SCMH1: variants seen among roughly 807,000 people sequenced by gnomAD.
SCMH1 encodes Scm polycomb group protein homolog 1.
SCMH1 carries 37 observed loss-of-function variants against 70.8 expected under a neutral mutation model. The observed-to-expected ratio is 0.52, with a 90% CI of 0.40 to 0.69. SCMH1 has a LOEUF of 0.69. SCMH1 is among the 30% of genes least tolerant of loss of function. SCMH1 has a pLI of 0.00. For missense variants in SCMH1, 607 were observed against 827.3 expected (o/e 0.73, Z 3.27); for synonymous variants, 292 against 307.4 (o/e 0.95, Z 0.52).
intron 13 of SCMH1, among the ~76,000 whole-genome samples, chr1:41,030,992 AAC>A (rs1644440425): frequency 6.6e-6 from 1 of 152,214 alleles, no homozygotes. Flanking sequence ...TGGCAGAGCT[AAC>A]ACACACCTGT....
chr1:41,197,822 T>G (rs1653390576), intron 1 of SCMH1, among the ~76,000 whole-genome samples: 1 of 152,198 alleles, frequency 6.6e-6, no homozygotes, highest in Non-Finnish European at 1.5e-5. Context: ...ACAGAATTCC[T>G]TTTCCTGGGT....
At chr1:41,164,265 T>C (rs1026178900) in intron 2 of SCMH1, among the ~76,000 whole-genome samples, 10 of 152,136 alleles carry the variant, frequency 6.6e-5, no homozygotes, top group African/African-American at 2.4e-4. Flanking sequence ...TGCAAGCTAA[T>C]TGGTCTCATT....
chr1:41,176,651 T>A (rs1000098927), intron 2 of SCMH1, among the ~76,000 whole-genome samples: 3 of 152,178 alleles, frequency 2.0e-5, no homozygotes, highest in Non-Finnish European at 4.4e-5. Context: ...CCTCGCTCAT[T>A]GCTAGCACAG....
chr1:41,204,222 T>C (rs1261371257), intron 1 of SCMH1, among the ~76,000 whole-genome samples: 1 of 152,178 alleles, frequency 6.6e-6, no homozygotes, highest in African/African-American at 2.4e-5. Context: ...CTTAGGATTT[T>C]TCAAGGAAAA....
At chr1:41,083,029 G>T (rs1329092855) in intron 8 of SCMH1, among the ~76,000 whole-genome samples, 1 of 152,170 alleles carries the variant, frequency 6.6e-6, no homozygotes, top group African/African-American at 2.4e-5. Context: ...TACTGAATGG[G>T]CCAACACTGG....
At chr1:41,177,090 G>A (rs910416180) in intron 2 of SCMH1, among the ~76,000 whole-genome samples, 15 of 152,150 alleles carry the variant, frequency 9.9e-5, no homozygotes, top group Non-Finnish European at 1.3e-4. Context: ...ACCAATATCC[G>A]CTGTTCTGCA....
rs562884929 is a variant in SCMH1, at chr1:41,210,676, T to A, written c.-117-24426A>T. On this transcript the variant is annotated intron_variant, in intron 1 of 14. Coordinates refer to ENST00000337495, the Ensembl canonical transcript of SCMH1. ...CCATATGCAGAAAGCTGAAACTGGATCCCTTCTTTACACCTTATACAAAAA... is the reference window on the plus strand; with the variant it reads ...CCATATGCAGAAAGCTGAAACTGGAACCCTTCTTTACACCTTATACAAAAA... Among the ~76,000 whole-genome samples, 93 of 152,250 alleles carry A rather than the reference T, an allele frequency of 6.1e-4. 1 individual carries two copies. Among genetic ancestry groups the A allele is most frequent in the African/African-American group, 2.2e-3 (91 of 41,542 alleles).
At chr1:41,208,704 G>A in intron 1 of SCMH1, among the ~76,000 whole-genome samples, 1 of 152,122 alleles carries the variant, frequency 6.6e-6, no homozygotes, top group East Asian at 1.9e-4. Flanking sequence ...CAACATACCA[G>A]AATCTCAGGG....
At chr1:41,105,999 C>T (rs1330551435) in intron 8 of SCMH1, among the ~76,000 whole-genome samples, 1 of 151,548 alleles carries the variant, frequency 6.6e-6, no homozygotes, top group Non-Finnish European at 1.5e-5. Context: ...CTCAGCCTCC[C>T]TAGTAGCTGT....
chr1:41,170,371 TCA>T (rs1217489929), intron 2 of SCMH1, among the ~76,000 whole-genome samples: 1 of 152,188 alleles, frequency 6.6e-6, no homozygotes, highest in African/African-American at 2.4e-5. Context: ...CTAGCGTGCT[TCA>T]GTTTTTCCTA....
chr1:41,081,511 T>A (rs766403923), intron 8 of SCMH1, among the ~76,000 whole-genome samples: 1 of 152,238 alleles, frequency 6.6e-6, no homozygotes, highest in Non-Finnish European at 1.5e-5. Flanking sequence ...ATTATAAAGT[T>A]ACAGTAATTG....
At chr1:41,143,215 G>GATTT in intron 5 of SCMH1, 103 bp from the exon 6 acceptor site, 1 of 742,658 alleles carries the variant, frequency 1.3e-6, no homozygotes, top group Admixed American at 2.6e-5. Flanking sequence ...ACAACCAACT[G>GATTT]AATTATTCCC....
intron 10 of SCMH1, among the ~76,000 whole-genome samples, chr1:41,056,299 T>A (rs149204948): frequency 6.6e-6 from 1 of 152,218 alleles, no homozygotes; most frequent in Non-Finnish European, 1.5e-5. Flanking sequence ...TAAGCCCCAA[T>A]TGAGGTACCC....
chr1:41,055,041 C>T (rs1649745212), intron 10 of SCMH1, among the ~76,000 whole-genome samples: 1 of 152,038 alleles, frequency 6.6e-6, no homozygotes, highest in African/African-American at 2.4e-5. Context: ...CCTTGGCCTT[C>T]CAAAGTGCTG....
rs1190404008 is a variant in SCMH1 at position 41,075,208 on chromosome 1, A to G, written c.978+11T>C. ...CCTTATTCCTTTCTGGGAAACCCAC[A>G]TTTTACCTACCTTGCTGCCAGGTTT... On this transcript the variant is annotated intron_variant, in intron 9 of 14. Coordinates refer to ENST00000337495, the Ensembl canonical transcript of SCMH1. 2 of 1,613,464 alleles carry G rather than the reference A, an allele frequency of 1.2e-6. No individual in the cohort carries two copies. Among genetic ancestry groups the G allele is most frequent in the South Asian group, 1.1e-5 (1 of 91,064 alleles).
intron 5 of SCMH1, among the ~76,000 whole-genome samples, chr1:41,146,741 C>T (rs188299672): frequency 1.1e-3 from 170 of 152,130 alleles, no homozygotes; most frequent in Admixed American, 8.1e-3. Context: ...GTTCACACGA[C>T]GATGAAATTG....
intron 8 of SCMH1, among the ~76,000 whole-genome samples, chr1:41,096,142 A>T (rs1664993476): frequency 6.6e-6 from 1 of 152,222 alleles, no homozygotes; most frequent in Non-Finnish European, 1.5e-5. Flanking sequence ...TAGCAATAAT[A>T]GGAACAGACA....
intron 6 of SCMH1, among the ~76,000 whole-genome samples, chr1:41,126,917 G>A (rs1434073406): frequency 1.3e-5 from 2 of 152,080 alleles, no homozygotes; most frequent in African/African-American, 4.8e-5. Flanking sequence ...TGCATATGTG[G>A]TTTTTCTCAG....
chr1:41,060,798 A>G (rs1277061654), intron 10 of SCMH1, among the ~76,000 whole-genome samples: 1 of 152,050 alleles, frequency 6.6e-6, no homozygotes, highest in African/African-American at 2.4e-5. Flanking sequence ...GGCATGCACC[A>G]CCATGCTTGA....
Sources: allele counts gnomAD v4.1 joint callset (sites outside exome capture counted in the v4.1 genomes callset), GRCh38; gene constraint gnomAD v4.1.1; transcripts MANE v1.5; gene names NCBI Gene and HGNC (gene_info 2026-07-23, HGNC 2026-07-21).